The following CACNA1E variants were observed in gnomAD, a reference collection of about 807,000 sequenced individuals.
CACNA1E encodes the protein calcium voltage-gated channel subunit alpha1 E, also known as voltage-dependent R-type calcium channel subunit alpha-1E.
Under a neutral mutation model 259.2 loss-of-function variants are expected in CACNA1E, and 40 were observed. That is an observed-to-expected ratio of 0.15 (90% CI 0.12 to 0.20). The LOEUF is 0.20. Ranked by LOEUF, CACNA1E falls within the 10% of genes least tolerant of loss-of-function variation. The pLI, the probability that CACNA1E is intolerant of heterozygous loss-of-function variation, is 1.00. For missense variants in CACNA1E, 1,874 were observed against 3,040.1 expected, an observed-to-expected ratio of 0.62 and a Z score of 9.02; for synonymous variants, 1,104 against 1,138.5, an observed-to-expected ratio of 0.97 and a Z score of 0.61.
At chr1:181,397,595 G>T (rs893996684) in intron 1 of CACNA1E, among the ~76,000 whole-genome samples, 2 of 152,190 alleles carry the variant, frequency 1.3e-5, no homozygotes, top group Non-Finnish European at 2.9e-5. Flanking sequence ...ACTGCGCCTG[G>T]ACAGGGTGGG....
intron 3 of CACNA1E, among the ~76,000 whole-genome samples, chr1:181,535,821 G>C (rs1257547801): frequency 6.6e-6 from 1 of 151,796 alleles, no homozygotes. Context: ...CCAAGTAGCT[G>C]GGATTACAGG....
intron 6 of CACNA1E, among the ~76,000 whole-genome samples, chr1:181,597,762 G>A (rs913606174): frequency 6.6e-6 from 1 of 152,208 alleles, no homozygotes; most frequent in Non-Finnish European, 1.5e-5. Flanking sequence ...CGGAAGGCAT[G>A]GAGGAGCAAG....
intron 25 of CACNA1E, among the ~76,000 whole-genome samples, chr1:181,748,544 A>G (rs1383087419): frequency 6.6e-6 from 1 of 152,182 alleles, no homozygotes; most frequent in Non-Finnish European, 1.5e-5. Flanking sequence ...GACTTGAGCT[A>G]AGCAGAAGGC....
intron 7 of CACNA1E, among the ~76,000 whole-genome samples, chr1:181,704,177 A>G (rs1258091542): frequency 1.3e-5 from 2 of 152,236 alleles, no homozygotes; most frequent in South Asian, 2.1e-4. Context: ...GGGATAAAGC[A>G]TAAACAACTT....
At chr1:181,706,811 G>T (rs1477677041) in intron 7 of CACNA1E, among the ~76,000 whole-genome samples, 2 of 152,186 alleles carry the variant, frequency 1.3e-5, no homozygotes, top group Non-Finnish European at 2.9e-5. Context: ...TTGCTAATTG[G>T]ATTATCTTGG....
chr1:181,689,256 T>C (rs970503584), intron 7 of CACNA1E, among the ~76,000 whole-genome samples: 2 of 152,164 alleles, frequency 1.3e-5, no homozygotes, highest in Admixed American at 1.3e-4. Flanking sequence ...CTTGTGTTAG[T>C]TTGCTGAGAA....
At chr1:181,559,628 A>G (rs1461477651) in intron 3 of CACNA1E, among the ~76,000 whole-genome samples, 1 of 152,220 alleles carries the variant, frequency 6.6e-6, no homozygotes, top group African/African-American at 2.4e-5. Flanking sequence ...GCAATACAAT[A>G]CCGACAAGTA....
chr1:181,766,518 T>G, intron 34 of CACNA1E, 28 bp from the exon 35 acceptor site: 1 of 1,576,092 alleles, frequency 6.3e-7, no homozygotes, highest in South Asian at 1.1e-5. Context: ...TTTCTTTGAT[T>G]AACGTCTTAT....
At chr1:181,486,664 T>A (rs1663843855) in intron 1 of CACNA1E, among the ~76,000 whole-genome samples, 1 of 152,224 alleles carries the variant, frequency 6.6e-6, no homozygotes, top group South Asian at 2.1e-4. Context: ...TCTTACCTGT[T>A]AAATGAGGAT....
intron 1 of CACNA1E, among the ~76,000 whole-genome samples, chr1:181,484,252 C>T (rs965394465): frequency 6.6e-6 from 1 of 152,204 alleles, no homozygotes; most frequent in Non-Finnish European, 1.5e-5. Context: ...TCTTTAGTGT[C>T]CCTGGGTGCA....
In CACNA1E at chr1:181,710,892, C is replaced by T. The variant is rs147289897; in HGVS notation, c.1056-62C>T. On this transcript the variant is annotated intron_variant, in intron 7 of 47. Coordinates refer to ENST00000367573, the MANE Select transcript of CACNA1E (RefSeq NM_001205293.3). ...GATGCTCTCTCTCTGTTGCTTGATTCACTCTTTCCCTTAGTCATGGCCCTG... is the reference window on the plus strand; with the variant it reads ...GATGCTCTCTCTCTGTTGCTTGATTTACTCTTTCCCTTAGTCATGGCCCTG... 20,495 of 1,160,064 alleles carry T rather than the reference C, an allele frequency of 0.018. 233 individuals are homozygous for T. Among genetic ancestry groups the T allele is most frequent in the Admixed American group, 0.02 (1,208 of 59,226 alleles). 71.9% of individuals were successfully genotyped at this position (1,160,064 alleles called of 1,614,324 possible). A position where few individuals can be genotyped will look rare whatever the true frequency, so the allele number is the denominator to read the frequency against.
chr1:181,776,011 A>G lies in CACNA1E; in HGVS notation c.5140-90A>G. 7.9e-7 allele frequency: 1 copy of G among 1,259,468 alleles called. No individual in the cohort carries two copies. Among genetic ancestry groups the G allele is most frequent in the Non-Finnish European group, 1.1e-6 (1 of 892,310 alleles). The allele number at this position is 1,259,468 out of a possible 1,614,324, so 78.0% of individuals were successfully genotyped here. ...TCTGTTCTGGCTCGTTTGCTAAAAC[A>G]CCCTCCTCCATGCCCTGAAGCCTGT... is the stretch of plus-strand genomic sequence containing the variant. On this transcript the variant is annotated intron_variant, in intron 37 of 47. Transcript: ENST00000367573. This position sits in a 1 kb window ranked among gnomAD's most constrained non-coding sequence, Gnocchi z 4.4.
chr1:181,708,161 C>T (rs559520918), intron 7 of CACNA1E, among the ~76,000 whole-genome samples: 2 of 152,116 alleles, frequency 1.3e-5, no homozygotes, highest in South Asian at 4.2e-4. Flanking sequence ...TGTAGGCAGG[C>T]AGGGGGTGGA....
chr1:181,558,829 A>T (rs1364788780), intron 3 of CACNA1E, among the ~76,000 whole-genome samples: 1 of 152,152 alleles, frequency 6.6e-6, no homozygotes, highest in South Asian at 2.1e-4. Flanking sequence ...GCAGAGAGAA[A>T]CCAGTAGGTA....
At chr1:181,442,153 A>G (rs532793737) in intron 2 of CACNA1E, among the ~76,000 whole-genome samples, 212 of 152,082 alleles carry the variant, frequency 1.4e-3, no homozygotes, top group Non-Finnish European at 2.5e-3. Flanking sequence ...GAGGAAGGGT[A>G]CAGGTGTGAA....
At chr1:181,551,805 C>T (rs962228996) in intron 3 of CACNA1E, among the ~76,000 whole-genome samples, 1 of 152,102 alleles carries the variant, frequency 6.6e-6, no homozygotes, top group African/African-American at 2.4e-5. Flanking sequence ...CAAGGCACAC[C>T]ACTCCATTGT....
intron 32 of CACNA1E, among the ~76,000 whole-genome samples, chr1:181,762,055 A>T (rs1454015346): frequency 2.6e-5 from 4 of 152,186 alleles, no homozygotes; most frequent in Non-Finnish European, 1.5e-5. Context: ...GTCACTTATG[A>T]CTTGTGTGAC....
intron 15 of CACNA1E, among the ~76,000 whole-genome samples, chr1:181,721,253 A>C (rs1572698891): frequency 6.6e-6 from 1 of 152,106 alleles, no homozygotes; most frequent in East Asian, 1.9e-4. Context: ...TCCCCCCAAA[A>C]CTCAACCGTT....
chr1:181,753,265 G>A (rs1055023393), intron 27 of CACNA1E, among the ~76,000 whole-genome samples: 12 of 152,204 alleles, frequency 7.9e-5, no homozygotes, highest in African/African-American at 2.7e-4. Context: ...GATCACCTGG[G>A]TACTTCTTAA....
Sources: gnomAD v4.1 joint callset for allele counts (sites outside exome capture counted in the v4.1 genomes callset) on GRCh38, gnomAD v4.1.1 for gene constraint, Gnocchi (gnomAD v3.1) non-coding constraint, MANE v1.5 for transcripts, NCBI Gene and HGNC (gene_info 2026-07-23, HGNC 2026-07-21) for gene names.